The following FGF13 variants were observed in gnomAD, a reference collection of about 807,000 sequenced individuals.
FGF13 encodes fibroblast growth factor 13, also known as fibroblast growth factor homologous factor 2.
A neutral mutation model predicts 19.5 loss-of-function variants in FGF13; 2 were observed. The ratio of observed to expected loss-of-function variants is 0.10; its 90% CI spans 0.04 to 0.32. The LOEUF (loss-of-function observed/expected upper bound fraction) is 0.32. Ranked by LOEUF, FGF13 falls within the 10% of genes least tolerant of loss-of-function variation. FGF13 has a pLI of 1.00. For synonymous variants in FGF13, 72 were observed against 76.9 expected (o/e 0.94, Z 0.33); for missense variants, 113 against 192.7 (o/e 0.59, Z 2.45).
chrX:139,047,400 TTTC>T (rs1276374827), intron 1 of FGF13, among the ~76,000 whole-genome samples: 18 of 111,578 alleles, frequency 1.6e-4, no homozygotes, highest in Non-Finnish European at 3.2e-4. Context: ...TGGTTTTTTT[TTTC>T]TTTTTTTTAT....
chrX:138,703,842 G>A (rs2089970107), intron 2 of FGF13, among the ~76,000 whole-genome samples: 2 of 111,741 alleles, frequency 1.8e-5, no homozygotes, highest in South Asian at 7.6e-4. Context: ...AGCCTCCCTA[G>A]TGGCTGGGAT....
chrX:138,931,177 A>C (rs2091699556), intron 1 of FGF13, among the ~76,000 whole-genome samples: 1 of 111,974 alleles, frequency 8.9e-6, no homozygotes, highest in Non-Finnish European at 1.9e-5. Flanking sequence ...ATACCAGAAT[A>C]CCTGTGCACT....
chrX:139,061,357 G>T (rs2092335443), intron 1 of FGF13, among the ~76,000 whole-genome samples: 1 of 111,785 alleles, frequency 8.9e-6, no homozygotes, highest in Admixed American at 9.5e-5. Context: ...TCACCCTCAT[G>T]AGGGGATTAA....
chrX:138,641,732 G>C (rs1444957015), intron 3 of FGF13, among the ~76,000 whole-genome samples: 1 of 111,459 alleles, frequency 9.0e-6, no homozygotes, highest in Non-Finnish European at 1.9e-5. Flanking sequence ...TGATGTGAAT[G>C]AATTTCATTA....
chrX:138,801,907 C>T (rs2123998836), intron 3 of FGF13, among the ~76,000 whole-genome samples: 2 of 111,582 alleles, frequency 1.8e-5, no homozygotes, highest in East Asian at 5.7e-4. Context: ...ACTCAAGCCT[C>T]AGTAATGGTG....
chrX:139,064,324 C>G (rs1421356912), intron 1 of FGF13, among the ~76,000 whole-genome samples: 1 of 50,892 alleles, frequency 2.0e-5, no homozygotes, highest in Non-Finnish European at 3.0e-5. Flanking sequence ...GAGACGGAGT[C>G]TCGCTCTGTC....
At chrX:138,815,029 T>A (rs1430754010) in intron 3 of FGF13, among the ~76,000 whole-genome samples, 4 of 111,506 alleles carry the variant, frequency 3.6e-5, no homozygotes, top group Non-Finnish European at 7.5e-5. Context: ...TGAATTCCTG[T>A]CATTTGCAGC....
At chrX:138,963,278 C>T (rs1166401431) in intron 1 of FGF13, among the ~76,000 whole-genome samples, 2 of 113,248 alleles carry the variant, frequency 1.8e-5, no homozygotes, top group African/African-American at 3.2e-5. Context: ...TCTGCAGTTG[C>T]AGCAGTTTGA....
At chrX:139,028,921 T>G (rs2092215406) in intron 1 of FGF13, among the ~76,000 whole-genome samples, 1 of 110,206 alleles carries the variant, frequency 9.1e-6, no homozygotes, top group South Asian at 3.9e-4. Context: ...ATAAAATTTT[T>G]TAAAGCACTA....
At chrX:138,672,837 C>G (rs2089627628) in intron 3 of FGF13, among the ~76,000 whole-genome samples, 1 of 111,234 alleles carries the variant, frequency 9.0e-6, no homozygotes, top group Admixed American at 9.6e-5. Context: ...GAAAAAGAAC[C>G]AATAAAGGAG....
intron 3 of FGF13, among the ~76,000 whole-genome samples, chrX:138,809,923 C>A (rs748866085): frequency 1.7e-3 from 189 of 110,957 alleles, no homozygotes; most frequent in African/African-American, 6.0e-3. Flanking sequence ...ACTACAAACC[C>A]CTGCTCAACG....
In FGF13 at chrX:138,997,660, C is replaced by T. The variant is rs183696984; in HGVS notation, c.-112-133010G>A. Among the ~76,000 whole-genome samples, 31 of 111,661 alleles carry T rather than the reference C, an allele frequency of 2.8e-4. No homozygotes were observed. In the East Asian group the frequency reaches 6.2e-3, roughly 22 times the overall value. On this transcript the variant is annotated intron_variant, in intron 1 of 2. Coordinates refer to the FGF13 transcript ENST00000421460. The stretch of plus-strand genomic sequence containing the variant: ...AAAGAGTAAAAAGAAATAAACAAAG[C>T]CTCCAGGAAATATGGGACTATGTGA...
At chrX:138,839,749 T>C (rs780557523) in intron 3 of FGF13, among the ~76,000 whole-genome samples, 98 of 111,709 alleles carry the variant, frequency 8.8e-4, no homozygotes, top group African/African-American at 3.1e-3. Context: ...TAAATTTAAG[T>C]TTAGTCACAT....
intron 1 of FGF13, among the ~76,000 whole-genome samples, chrX:138,907,732 A>G (rs1037616938): frequency 1.8e-5 from 2 of 111,053 alleles, no homozygotes; most frequent in African/African-American, 6.6e-5. Context: ...TTTATTCATG[A>G]TTTCATTATT....
chrX:138,930,110 C>A (rs754687802), intron 1 of FGF13, among the ~76,000 whole-genome samples: 2 of 111,498 alleles, frequency 1.8e-5, no homozygotes, highest in East Asian at 5.6e-4. Flanking sequence ...TGGACTCAAG[C>A]CAGCAGGGTA....
chrX:138,616,828 G>T lies in FGF13; in HGVS notation c.*16022C>A, dbSNP rs989381961. On this transcript the variant is annotated 3_prime_UTR_variant, in exon 5 of 5. Transcript: ENST00000315930. The stretch of plus-strand genomic sequence containing the variant: ...TGCTCCTGCAAGCCCAACACCATGT[G>T]TAAGCTGCCAAAGCTTGGGGATTGC... 2 of 112,320 alleles carry T rather than the reference G, an allele frequency of 1.8e-5. No individual in the cohort carries two copies. The highest frequency in any genetic ancestry group is 9.4e-5 in the Admixed American group (1 of 10,588). 9.3% of individuals were successfully genotyped at this position (112,320 alleles called of 1,213,427 possible).
chrX:138,938,572 CTT>C (rs2091743266), intron 1 of FGF13, among the ~76,000 whole-genome samples: 1 of 111,177 alleles, frequency 9.0e-6, no homozygotes. Flanking sequence ...AGAACTATGA[CTT>C]AACTGCTTAT....
intron 1 of FGF13, among the ~76,000 whole-genome samples, chrX:139,093,876 T>A (rs2083454114): frequency 8.9e-6 from 1 of 112,253 alleles, no homozygotes; most frequent in African/African-American, 3.2e-5. Context: ...CATGTCCAAG[T>A]GCTTTGGCAG....
chrX:138,743,089 C>T (rs907066672), upstream of FGF13, among the ~76,000 whole-genome samples: 2 of 111,555 alleles, frequency 1.8e-5, no homozygotes, highest in Non-Finnish European at 3.8e-5. Flanking sequence ...AAAACCTGCA[C>T]GCTAATGTTT....
Sources: gnomAD v4.1 joint callset for allele counts (sites outside exome capture counted in the v4.1 genomes callset) on GRCh38, gnomAD v4.1.1 for gene constraint, MANE v1.5 for transcripts, NCBI Gene and HGNC (gene_info 2026-07-23, HGNC 2026-07-21) for gene names.